DIP2C: variants seen among roughly 807,000 people sequenced by gnomAD.
DIP2C encodes DIP2 acetate--CoA ligase C (putative).
DIP2C carries 33 observed loss-of-function variants against 192.4 expected under a neutral mutation model. The ratio of observed to expected loss-of-function variants is 0.17; its 90% CI spans 0.13 to 0.23. DIP2C has a LOEUF of 0.23. Among genes scored for constraint, DIP2C ranks in the 10% least tolerant of loss-of-function variants. The probability of loss-of-function intolerance (pLI) is 1.00; values close to 1 mark genes in which losing one functional copy is unlikely to be tolerated. For synonymous variants in DIP2C, 979 were observed against 864.1 expected (o/e 1.13, Z -2.33); for missense variants, 1,537 against 2,110.1 (o/e 0.73, Z 5.32).
At chr10:317,238 G>C (rs1012797896) in intron 31 of DIP2C, among the ~76,000 whole-genome samples, 10 of 152,246 alleles carry the variant, frequency 6.6e-5, no homozygotes, top group Admixed American at 2.0e-4. Flanking sequence ...GCCACAGACA[G>C]TGTGAACTCA....
chr10:282,070 C>T (rs1037471839), intron 35 of DIP2C: 1 of 157,704 alleles, frequency 6.3e-6, no homozygotes, highest in Non-Finnish European at 1.4e-5. Flanking sequence ...CCCGACCCTG[C>T]TTAGCTTCCG....
At chr10:420,942 C>T (rs569135260) in intron 5 of DIP2C, among the ~76,000 whole-genome samples, 8 of 152,286 alleles carry the variant, frequency 5.3e-5, no homozygotes, top group South Asian at 2.1e-4. Context: ...CTCACGCGCA[C>T]GCAGACGCAC....
At chr10:383,593 C>G (rs144848647) in intron 16 of DIP2C, among the ~76,000 whole-genome samples, 22 of 152,296 alleles carry the variant, frequency 1.4e-4, no homozygotes, top group African/African-American at 5.1e-4. Flanking sequence ...ATCAAGAAAA[C>G]TACTATACAC....
chr10:521,111 C>T (rs998618294), intron 1 of DIP2C, among the ~76,000 whole-genome samples: 19 of 152,254 alleles, frequency 1.2e-4, no homozygotes, highest in African/African-American at 2.4e-4. Context: ...AGTAAACAAA[C>T]GAGCATTTTC....
rs528960533 is a variant in DIP2C at position 384,658 on chromosome 10, C to T, written c.1663-19G>A. The T allele has an allele frequency of 1.9e-6, 3 of 1,613,050 alleles. No homozygotes were observed. The highest frequency in any genetic ancestry group is 4.5e-5 in the East Asian group (2 of 44,872). On this transcript the variant is annotated intron_variant, in intron 14 of 36. Transcript: ENST00000280886. ...TGACGCTCTGCAATCAACAAAGGAA[C>T]ACGCAGGGTGAGCATGGAGGGGCAC... is the stretch of plus-strand genomic sequence containing the variant.
At chr10:414,756 T>A (rs1305724995) in intron 7 of DIP2C, among the ~76,000 whole-genome samples, 4 of 132,766 alleles carry the variant, frequency 3.0e-5, no homozygotes, top group Non-Finnish European at 3.2e-5. Context: ...TATATATATA[T>A]AATGTGTATA....
chr10:473,302 C>T (rs1172374008), intron 2 of DIP2C, among the ~76,000 whole-genome samples: 2 of 152,252 alleles, frequency 1.3e-5, no homozygotes, highest in Non-Finnish European at 2.9e-5. Context: ...ACATCATCAT[C>T]ACAGTTCCAC....
chr10:453,314 C>G (rs1183831447), intron 3 of DIP2C, among the ~76,000 whole-genome samples: 3 of 152,132 alleles, frequency 2.0e-5, no homozygotes, highest in African/African-American at 7.2e-5. Context: ...CAATGAGAAA[C>G]AGAAATCTCT....
chr10:638,879 G>A (rs1236233455), intron 1 of DIP2C, among the ~76,000 whole-genome samples: 2 of 152,226 alleles, frequency 1.3e-5, no homozygotes, highest in South Asian at 2.1e-4. Context: ...CTCTAATTCC[G>A]CCTCCGGGCC....
chr10:449,777 AT>A (rs1564727381), intron 3 of DIP2C, among the ~76,000 whole-genome samples: 96 of 140,472 alleles, frequency 6.8e-4, no homozygotes, highest in African/African-American at 2.7e-3. Flanking sequence ...AACTTAAAGT[AT>A]AATTAAAAAA....
At chr10:672,135 ACATGGACGGAGGAAACAGGCCACAGACG>A (rs1035855285) in intron 1 of DIP2C, among the ~76,000 whole-genome samples, 15 of 149,952 alleles carry the variant, frequency 1.0e-4, no homozygotes, top group Middle Eastern at 3.4e-3. Context: ...CGTCATAGAC[ACATGGACGGAGGAAACAGGCCACAGACG>A]CATGGACGGA....
chr10:388,691 A>T (rs543003423), intron 13 of DIP2C, among the ~76,000 whole-genome samples: 1 of 152,358 alleles, frequency 6.6e-6, no homozygotes, highest in East Asian at 1.9e-4. Context: ...CCCACGAGAC[A>T]CACACGCTGT....
At chr10:436,841 GCTCT>G (rs749827132) in intron 4 of DIP2C, among the ~76,000 whole-genome samples, 1 of 137,434 alleles carries the variant, frequency 7.3e-6, no homozygotes, top group Non-Finnish European at 1.5e-5. Context: ...CCACACCTGA[GCTCT>G]CTCTGAGCTC....
chr10:531,635 A>C (rs1564823582), intron 1 of DIP2C, among the ~76,000 whole-genome samples: 1 of 152,162 alleles, frequency 6.6e-6, no homozygotes, highest in African/African-American at 2.4e-5. Flanking sequence ...TGTCACCGGC[A>C]AACCCACACC....
intron 1 of DIP2C, among the ~76,000 whole-genome samples, chr10:542,657 A>T (rs1003018351): frequency 2.0e-5 from 3 of 152,206 alleles, no homozygotes; most frequent in African/African-American, 7.2e-5. Flanking sequence ...ATCAGATCCC[A>T]GTTCTTATCA....
intron 5 of DIP2C, 120 bp from the exon 6 acceptor site, chr10:419,319 A>T: frequency 6.9e-7 from 1 of 1,443,592 alleles, no homozygotes; most frequent in South Asian, 1.3e-5. Context: ...TGCCATGGAA[A>T]GCCAGAGCCG....
chr10:517,604 C>T (rs576330408), intron 1 of DIP2C, among the ~76,000 whole-genome samples: 1 of 152,310 alleles, frequency 6.6e-6, no homozygotes, highest in East Asian at 1.9e-4. Flanking sequence ...GAAAAGAAGG[C>T]ACCATATGGA....
In DIP2C at chr10:345,077, G is replaced by C. The variant is rs199521796; in HGVS notation, c.3265C>G (p.Leu1089Val). The C allele has an allele frequency of 6.2e-7, 1 of 1,613,424 alleles. No homozygotes were observed. The highest frequency in any genetic ancestry group is 1.3e-5 in the African/African-American group (1 of 75,044). The part of the protein sequence containing the change: ...SRSACLMTTQ[L>V]ICKLLRSREA... The stretch of plus-strand genomic sequence containing the variant: ...CTGGACCGCAGCAACTTACAGATCA[G>C]CTGTGTCGTCATCAGACAGGCAGAG... Residue 1089 changes from leucine to valine, a missense_variant, in exon 27 of 37, where the codon CTG (leucine) becomes GTG (valine). Physicochemically the swap from Leu to Val is conservative, Grantham distance 32. This residue lies in a region of DIP2C where 677 missense variants were observed against 989.9 expected (regional missense o/e 0.68). Transcript: ENST00000280886.
chr10:297,170 G>A (rs1047991506), intron 32 of DIP2C, among the ~76,000 whole-genome samples: 25 of 151,332 alleles, frequency 1.7e-4, no homozygotes, highest in African/African-American at 5.6e-4. Context: ...CTCCAGCCTG[G>A]GTAACAGAGT....
Sources: allele counts gnomAD v4.1 joint callset (sites outside exome capture counted in the v4.1 genomes callset), GRCh38; gene constraint gnomAD v4.1.1; regional missense constraint gnomAD v4.1.1; transcripts MANE v1.5; gene names NCBI Gene and HGNC (gene_info 2026-07-23, HGNC 2026-07-21).